BIRC3: variants seen among roughly 807,000 people sequenced by gnomAD.
The protein encoded by BIRC3 is baculoviral IAP repeat containing 3.
A neutral mutation model predicts 59.0 loss-of-function variants in BIRC3; 26 were observed. The ratio of observed to expected loss-of-function variants is 0.44; its 90% CI spans 0.32 to 0.61. BIRC3 has a LOEUF of 0.61. Among genes scored for constraint, BIRC3 ranks in the 20% least tolerant of loss-of-function variants. The probability of loss-of-function intolerance (pLI) is 0.04; values close to 1 mark genes in which losing one functional copy is unlikely to be tolerated. For missense variants in BIRC3, 641 were observed against 711.5 expected, an observed-to-expected ratio of 0.90 and a Z score of 1.13; for synonymous variants, 243 against 249.2, an observed-to-expected ratio of 0.98 and a Z score of 0.24.
At chr11:102,318,456 C>A (rs939343892) in intron 1 of BIRC3, among the ~76,000 whole-genome samples, 1 of 152,170 alleles carries the variant, frequency 6.6e-6, no homozygotes, top group Admixed American at 6.5e-5. Context: ...ACTTCTTCAA[C>A]GGGAAGTCTT....
At position 102,331,504 on chromosome 11, in the gene BIRC3, C is replaced by T. The variant is rs767487172; in HGVS notation, c.1324+263C>T. 2.2e-4 allele frequency among the ~76,000 whole-genome samples: 34 copies of T among 151,944 alleles called. 1 individual carries two copies. Among genetic ancestry groups the T allele is most frequent in the East Asian group, 7.7e-4 (4 of 5,198 alleles). ...CATATTTTTTTCTCTGGATAGCTGA[C>T]GTTGTGTCCAATTATGCATTCATGG... On this transcript the variant is annotated intron_variant, in intron 6 of 8. Transcript: ENST00000263464.
chr11:102,318,144 T>A (rs1950992194), intron 1 of BIRC3, among the ~76,000 whole-genome samples: 2 of 152,332 alleles, frequency 1.3e-5, no homozygotes, highest in East Asian at 1.9e-4. Flanking sequence ...ATTGCTAACA[T>A]TAAGTACTGC....
chr11:102,335,998 G>A lies in BIRC3; in HGVS notation c.1357G>A (p.Ala453Thr). 1 of 1,610,656 alleles carries A rather than the reference G, an allele frequency of 6.2e-7. No homozygotes were observed. Among genetic ancestry groups the A allele is most frequent in the Middle Eastern group, 1.7e-4 (1 of 5,882 alleles). Residue 453 changes from alanine to threonine, a missense_variant, in exon 7 of 9, where the codon GCA becomes ACA. Around this residue, in one of 4 missense-constraint regions of BIRC3, gnomAD observed 268 missense variants for 255.7 expected, o/e 1.05. Coordinates refer to ENST00000263464, the MANE Select transcript of BIRC3 (RefSeq NM_001165.5). The part of the protein sequence containing the change: ...DLLLIRKNRM[A>T]LFQHLTCVIP... ...ATTATTAATCCGGAAGAATAGAATGGCACTTTTTCAACATTTGACTTGTGT... is the reference window on the plus strand; with the variant it reads ...ATTATTAATCCGGAAGAATAGAATGACACTTTTTCAACATTTGACTTGTGT...
At chr11:102,318,479 ATATACCAAG>A (rs1286394059) in intron 1 of BIRC3, among the ~76,000 whole-genome samples, 4 of 152,216 alleles carry the variant, frequency 2.6e-5, no homozygotes, top group Non-Finnish European at 5.9e-5. Context: ...TGTCTACCCC[ATATACCAAG>A]CTCTGCAGAT....
chr11:102,337,067 A>G lies in BIRC3; in HGVS notation c.1780A>G (p.Thr594Ala). The part of the protein sequence containing the change: ...SLRKCPICRS[T>A]IKGTVRTFLS ...AAGAAAGTGTCCTATTTGTAGGAGT[A>G]CAATCAAGGGTACAGTTCGTACATT... The change falls in exon 9 of 9, where the codon ACA becomes GCA. Residue 594 changes from threonine (T) to alanine (A), a missense_variant. Physicochemically the swap from Thr to Ala is moderately conservative, Grantham distance 58 (BLOSUM62 0). Transcript: ENST00000263464. 1.3e-6 allele frequency: 2 copies of G among 1,580,568 alleles called. No homozygotes were observed. The highest frequency in any genetic ancestry group is 4.6e-5 in the East Asian group (2 of 43,686).
intron 1 of BIRC3, among the ~76,000 whole-genome samples, chr11:102,321,270 A>G (rs764233932): frequency 3.9e-5 from 6 of 152,254 alleles, no homozygotes; most frequent in Non-Finnish European, 5.9e-5. Flanking sequence ...CAAAATAAAA[A>G]TAAAAACTTA....
chr11:102,318,174 T>C (rs2135779499), intron 1 of BIRC3, among the ~76,000 whole-genome samples: 1 of 152,384 alleles, frequency 6.6e-6, no homozygotes, highest in Non-Finnish European at 1.5e-5. Context: ...TGTGCTAGGT[T>C]TGTCTCTGAA....
intron 1 of BIRC3, among the ~76,000 whole-genome samples, chr11:102,317,873 C>T (rs1950986790): frequency 6.6e-6 from 1 of 152,220 alleles, no homozygotes; most frequent in Non-Finnish European, 1.5e-5. Context: ...AGAGTTATCA[C>T]TGGGCCTTTG....
chr11:102,324,742 G>C lies in BIRC3; in HGVS notation c.233G>C (p.Arg78Thr), dbSNP rs1292563262. The C allele has an allele frequency of 6.2e-7, 1 of 1,614,180 alleles. No individual in the cohort carries two copies. The highest frequency in any genetic ancestry group is 1.7e-5 in the Admixed American group (1 of 60,006). ...GGCCTGATGCTGGATAACTGGAAAA[G>C]AGGAGACAGTCCTACTGAAAAGCAT... Reference protein sequence around the residue: ...CCGLMLDNWKRGDSPTEKHKK... With the variant: ...CCGLMLDNWKTGDSPTEKHKK... Residue 78 changes from arginine (R) to threonine (T), a missense_variant, in exon 2 of 9, where the codon AGA becomes ACA. Around this residue, in one of 4 missense-constraint regions of BIRC3, gnomAD observed 329 missense variants for 365.6 expected, o/e 0.90. Coordinates refer to ENST00000263464, the MANE Select transcript of BIRC3 (RefSeq NM_001165.5).
chr11:102,326,762 C>T (rs943001449), intron 3 of BIRC3: 6 of 454,720 alleles, frequency 1.3e-5, no homozygotes, highest in Non-Finnish European at 2.2e-5. Context: ...GATTGGAGTG[C>T]GATGGTGTGA....
rs761445277 is a variant in BIRC3, at chr11:102,337,030, T to C, written c.1743T>C (p.Cys581=). 6.2e-7 allele frequency: 1 copy of C among 1,600,966 alleles called. No individual in the cohort carries two copies. Among genetic ancestry groups the C allele is most frequent in the South Asian group, 1.1e-5 (1 of 87,016 alleles). The change falls in exon 9 of 9, where the codon TGT becomes TGC. Residue 581 remains cysteine (C), a synonymous_variant. Coordinates refer to ENST00000263464, the MANE Select transcript of BIRC3 (RefSeq NM_001165.5). ...PCGHLVVCKD[C]APSLRKCPIC... is the part of the protein sequence containing the mutation. Reference sequence around the variant, plus strand: ...GTCATCTAGTAGTATGCAAAGATTGTGCTCCTTCTTTAAGAAAGTGTCCTA... The same window carrying C: ...GTCATCTAGTAGTATGCAAAGATTGCGCTCCTTCTTTAAGAAAGTGTCCTA...
At chr11:102,332,577 A>ATT in intron 6 of BIRC3, among the ~76,000 whole-genome samples, 1 of 152,306 alleles carries the variant, frequency 6.6e-6, no homozygotes, top group East Asian at 1.9e-4. Flanking sequence ...AAGGAGAATA[A>ATT]AGATTTCTCC....
Position 102,324,588 on chromosome 11 carries a change from T to C in BIRC3, c.79T>C (p.Ser27Pro). The C allele has an allele frequency of 6.2e-7, 1 of 1,614,128 alleles. No individual in the cohort carries two copies. Among genetic ancestry groups the C allele is most frequent in the East Asian group, 2.2e-5 (1 of 44,882 alleles). Residue 27 changes from serine to proline, a missense_variant, in exon 2 of 9, where the codon TCA (serine) becomes CCA (proline). By Grantham distance (74) the Ser-to-Pro change is moderately conservative (BLOSUM62 -1). Coordinates refer to ENST00000263464, the MANE Select transcript of BIRC3 (RefSeq NM_001165.5). ...ANTFELKYDL[S>P]CELYRMSTYS... ...CACGTTTGAACTGAAATACGACTTGTCATGTGAACTGTACCGAATGTCTAC... is the reference window on the plus strand; with the variant it reads ...CACGTTTGAACTGAAATACGACTTGCCATGTGAACTGTACCGAATGTCTAC...
rs1401486028 is a variant in BIRC3 at position 102,323,170 on chromosome 11, C to T, written c.-1340C>T. On this transcript the variant is annotated 5_prime_UTR_variant, in exon 2 of 9. Transcript: ENST00000263464. ...TCAGGAGGTGATAAGTTGAATAACT[C>T]TACAATGTTAGTTCTTTGAGGGGGA... The T allele has an allele frequency of 5.0e-6, 1 of 199,438 alleles. No individual in the cohort carries two copies. The highest frequency in any genetic ancestry group is 1.0e-5 in the Non-Finnish European group (1 of 96,776). 12.4% of individuals were successfully genotyped at this position (199,438 alleles called of 1,614,324 possible).
rs1336190445 is a variant in BIRC3, at chr11:102,322,530, T to G, written c.-1980T>G. ...TGGTTGAAGGTTACATTTTAGGAAA[T>G]GAAGAAACTTAGAAAATTAATATAA... On this transcript the variant is annotated 5_prime_UTR_variant, in exon 2 of 9. The change abolishes an upstream ATG in the 5' untranslated region. Transcript: ENST00000263464. 9 of 205,816 alleles carry G rather than the reference T, an allele frequency of 4.4e-5. No individual in the cohort carries two copies. The highest frequency in any genetic ancestry group is 9.9e-6 in the Non-Finnish European group (1 of 100,812). The allele number at this position is 205,816 out of a possible 1,614,324, so 12.7% of individuals were successfully genotyped here. A position where few individuals can be genotyped will look rare whatever the true frequency, so the allele number is the denominator to read the frequency against.
Position 102,324,315 on chromosome 11 carries a change from A to T in BIRC3, c.-195A>T. 1.9e-6 allele frequency: 1 copy of T among 534,474 alleles called. No individual in the cohort carries two copies. The highest frequency in any genetic ancestry group is 3.1e-6 in the Non-Finnish European group (1 of 317,654). 33.1% of individuals were successfully genotyped at this position (534,474 alleles called of 1,614,324 possible). On this transcript the variant is annotated 5_prime_UTR_variant, in exon 2 of 9. Coordinates refer to ENST00000263464, the MANE Select transcript of BIRC3 (RefSeq NM_001165.5). ...AGATTATACAAAGGTGCAATTGTGT[A>T]TTTCTTCCTTAAAATGTATCAGTAT...
In BIRC3 at chr11:102,324,168, C is replaced by T. The variant is rs1171000181; in HGVS notation, c.-342C>T. The stretch of plus-strand genomic sequence containing the variant: ...CTAGTAGCCTGGAGAAGTTGACCTA[C>T]CTGTGGAGATGCCTGCCATTAAATG... On this transcript the variant is annotated 5_prime_UTR_variant, in exon 2 of 9. Transcript: ENST00000263464. 2 of 241,232 alleles carry T rather than the reference C, an allele frequency of 8.3e-6. No homozygotes were observed. The highest frequency in any genetic ancestry group is 1.6e-5 in the Non-Finnish European group (2 of 123,768). The allele number at this position is 241,232 out of a possible 1,614,324, so 14.9% of individuals were successfully genotyped here. A position where few individuals can be genotyped will look rare whatever the true frequency, so the allele number is the denominator to read the frequency against.
chr11:102,324,624 T>C lies in BIRC3; in HGVS notation c.115T>C (p.Phe39Leu). 1.2e-6 allele frequency: 2 copies of C among 1,614,194 alleles called. No individual in the cohort carries two copies. The highest frequency in any genetic ancestry group is 1.7e-6 in the Non-Finnish European group (2 of 1,180,016). ...GTACCGAATGTCTACGTATTCCACTTTTCCTGCTGGGGTTCCTGTCTCAGA... is the reference window on the plus strand; with the variant it reads ...GTACCGAATGTCTACGTATTCCACTCTTCCTGCTGGGGTTCCTGTCTCAGA... ...ELYRMSTYSTFPAGVPVSERS... is the reference protein window; with the variant it reads ...ELYRMSTYSTLPAGVPVSERS... Residue 39 changes from phenylalanine (F) to leucine (L), a missense_variant, in exon 2 of 9, where the codon TTT becomes CTT. Physicochemically the swap from Phe to Leu is conservative, Grantham distance 22. This residue lies in a region of BIRC3 where 329 missense variants were observed against 365.6 expected (regional missense o/e 0.90). Transcript: ENST00000263464.
chr11:102,324,733 A>G lies in BIRC3; in HGVS notation c.224A>G (p.Asn75Ser). The G allele has an allele frequency of 3.7e-6, 6 of 1,614,214 alleles. No homozygotes were observed. Among genetic ancestry groups the G allele is most frequent in the Non-Finnish European group, 5.1e-6 (6 of 1,180,030 alleles). The stretch of plus-strand genomic sequence containing the variant: ...TTCTGTTGTGGCCTGATGCTGGATA[A>G]CTGGAAAAGAGGAGACAGTCCTACT... ...KCFCCGLMLD[N>S]WKRGDSPTEK... The change falls in exon 2 of 9, where the codon AAC becomes AGC. Residue 75 changes from asparagine (N) to serine (S), a missense_variant. Asn to Ser is a conservative substitution (Grantham distance 46). This residue lies in a region of BIRC3 where 329 missense variants were observed against 365.6 expected (regional missense o/e 0.90). Coordinates refer to ENST00000263464, the MANE Select transcript of BIRC3 (RefSeq NM_001165.5).
Sources: gnomAD v4.1 joint callset for allele counts (sites outside exome capture counted in the v4.1 genomes callset) on GRCh38, gnomAD v4.1.1 for gene constraint, gnomAD v4.1.1 regional missense constraint, MANE v1.5 for transcripts, NCBI Gene and HGNC (gene_info 2026-07-23, HGNC 2026-07-21) for gene names.